The following ELP4 variants were observed in gnomAD, a reference collection of about 807,000 sequenced individuals.
ELP4 encodes elongator acetyltransferase complex subunit 4.
In ELP4, 51 loss-of-function variants were observed where a neutral mutation model predicts 48.9. That is an observed-to-expected ratio of 1.04 (90% CI 0.83 to 1.32). The LOEUF is 1.32. Ranked by LOEUF, ELP4 falls within the 40% of genes most tolerant of loss-of-function variation. The probability of loss-of-function intolerance (pLI) is 0.00; values close to 1 mark genes in which losing one functional copy is unlikely to be tolerated. For missense variants in ELP4, 519 were observed against 514.6 expected, an observed-to-expected ratio of 1.01 and a Z score of -0.08; for synonymous variants, 210 against 189.2, an observed-to-expected ratio of 1.11 and a Z score of -0.90.
At chr11:31,620,038 A>T (rs1330456679) in intron 5 of ELP4, among the ~76,000 whole-genome samples, 1 of 152,038 alleles carries the variant, frequency 6.6e-6, no homozygotes, top group Non-Finnish European at 1.5e-5. Context: ...GATAATGAAG[A>T]TGGAGGAAGA....
At chr11:31,694,756 G>A (rs995313559) in intron 9 of ELP4, among the ~76,000 whole-genome samples, 8 of 152,130 alleles carry the variant, frequency 5.3e-5, no homozygotes, top group Non-Finnish European at 7.3e-5. Flanking sequence ...TGGGCAGTAC[G>A]GCCATTTTCA....
intron 7 of ELP4, among the ~76,000 whole-genome samples, chr11:31,640,034 G>A (rs763133768): frequency 3.3e-5 from 5 of 151,822 alleles, no homozygotes; most frequent in Non-Finnish European, 7.4e-5. Context: ...TTTGGCTGCT[G>A]GACTGCATCA....
At chr11:31,529,283 A>G (rs1298965084) in intron 2 of ELP4, among the ~76,000 whole-genome samples, 1 of 152,122 alleles carries the variant, frequency 6.6e-6, no homozygotes, top group Non-Finnish European at 1.5e-5. Context: ...ACAGTGAGAA[A>G]AAGAAGACAA....
chr11:31,670,616 A>G (rs967499330), intron 9 of ELP4, among the ~76,000 whole-genome samples: 2 of 152,230 alleles, frequency 1.3e-5, no homozygotes, highest in Non-Finnish European at 2.9e-5. Context: ...GAGGACAAAA[A>G]TGTCACATTG....
chr11:31,723,717 G>C (rs1947016163), intron 9 of ELP4, among the ~76,000 whole-genome samples: 1 of 152,158 alleles, frequency 6.6e-6, no homozygotes, highest in Admixed American at 6.5e-5. Context: ...GCACATGGAG[G>C]ATTCAAACCC....
At chr11:31,676,213 A>G (rs1945923143) in intron 9 of ELP4, among the ~76,000 whole-genome samples, 1 of 152,150 alleles carries the variant, frequency 6.6e-6, no homozygotes, top group Admixed American at 6.5e-5. Context: ...TTTACCTGAA[A>G]TGTTATTCTT....
chr11:31,552,741 T>C (rs955859896), intron 3 of ELP4, among the ~76,000 whole-genome samples: 6 of 152,136 alleles, frequency 3.9e-5, no homozygotes, highest in African/African-American at 1.4e-4. Flanking sequence ...CAAATGTAAG[T>C]CAGATCATGT....
chr11:31,633,191 T>G (rs965507653), intron 7 of ELP4: 2 of 152,108 alleles, frequency 1.3e-5, no homozygotes, highest in African/African-American at 4.8e-5. Flanking sequence ...TGTTCCAACA[T>G]ACCCAGACCC....
intron 9 of ELP4, among the ~76,000 whole-genome samples, chr11:31,661,316 A>T (rs1191649567): frequency 6.6e-6 from 1 of 152,090 alleles, no homozygotes. Flanking sequence ...GTATAAAAAT[A>T]CTAAGGCCAA....
chr11:31,756,238 G>A (rs1947829986), intron 9 of ELP4, among the ~76,000 whole-genome samples: 1 of 152,112 alleles, frequency 6.6e-6, no homozygotes, highest in African/African-American at 2.4e-5. Context: ...TATAGCCAGA[G>A]AAGTATTTTC....
intron 9 of ELP4, among the ~76,000 whole-genome samples, chr11:31,753,716 A>C (rs945866251): frequency 6.6e-5 from 10 of 152,244 alleles, no homozygotes; most frequent in Admixed American, 4.6e-4. Context: ...GTGAAACAGA[A>C]AAATATGAGA....
rs12577494 is a variant in ELP4 at position 31,624,720 on chromosome 11, T to A, written c.654-2390T>A. On this transcript the variant is annotated intron_variant, in intron 5 of 9. Coordinates refer to ENST00000640961, the MANE Select transcript of ELP4 (RefSeq NM_019040.5). The stretch of plus-strand genomic sequence containing the variant: ...CATTTTTGACTCTTGTAATAACAGC[T>A]TAAAACACACTTCACACAATTCTAC... Among the ~76,000 whole-genome samples the A allele has an allele frequency of 3.8e-3, 582 of 151,996 alleles. 33 individuals carry two copies. The East Asian group carries it at 0.1, about 26-fold the overall frequency.
intron 3 of ELP4, among the ~76,000 whole-genome samples, chr11:31,549,826 T>C (rs1475531169): frequency 1.3e-5 from 2 of 152,376 alleles, no homozygotes; most frequent in South Asian, 2.1e-4. Flanking sequence ...GATGAGTTCA[T>C]GTCCTTTGTA....
chr11:31,625,238 C>T (rs1204493184), intron 5 of ELP4, among the ~76,000 whole-genome samples: 1 of 151,666 alleles, frequency 6.6e-6, no homozygotes, highest in African/African-American at 2.4e-5. Flanking sequence ...AATTCTATTA[C>T]AATCTTATGG....
rs561460312 is a variant in ELP4, at chr11:31,515,551, A to G, written c.224-4505A>G. 1.1e-3 allele frequency among the ~76,000 whole-genome samples: 170 copies of G among 152,146 alleles called. 1 individual carries two copies. The highest frequency in any genetic ancestry group is 1.3e-3 in the Non-Finnish European group (90 of 67,994). ...ATGGTTACATGTTCCTATAATCCCA[A>G]CTATTTCAGAGGCTGAGATGGGAGG... On this transcript the variant is annotated intron_variant, in intron 1 of 9. Transcript: ENST00000640961.
intron 3 of ELP4, among the ~76,000 whole-genome samples, chr11:31,547,624 T>C (rs892644083): frequency 2.0e-5 from 3 of 152,204 alleles, no homozygotes; most frequent in Non-Finnish European, 4.4e-5. Context: ...GAATGTTCCC[T>C]AACTCATTTT....
At chr11:31,577,930 G>C (rs1957314340) in intron 3 of ELP4, among the ~76,000 whole-genome samples, 1 of 152,182 alleles carries the variant, frequency 6.6e-6, no homozygotes, top group African/African-American at 2.4e-5. Flanking sequence ...ACATAGTGTT[G>C]GAAGTTCTGG....
intron 9 of ELP4, chr11:31,719,679 A>C: frequency 2.6e-6 from 1 of 384,460 alleles, no homozygotes; most frequent in Non-Finnish European, 4.6e-6. Context: ...CAGCATAAGA[A>C]TTATATCTCA....
At chr11:31,661,806 G>GT (rs1285215105) in intron 9 of ELP4, among the ~76,000 whole-genome samples, 1 of 152,046 alleles carries the variant, frequency 6.6e-6, no homozygotes, top group African/African-American at 2.4e-5. Context: ...ATAAGATAAT[G>GT]AGCTGTTATT....
Sources: allele counts gnomAD v4.1 joint callset (sites outside exome capture counted in the v4.1 genomes callset), GRCh38; gene constraint gnomAD v4.1.1; transcripts MANE v1.5; gene names NCBI Gene and HGNC (gene_info 2026-07-23, HGNC 2026-07-21).